The following SPAG16 variants were observed in gnomAD, a reference collection of about 807,000 sequenced individuals.
SPAG16 encodes sperm-associated antigen 16 protein.
A neutral mutation model predicts 80.4 loss-of-function variants in SPAG16; 86 were observed. That is an observed-to-expected ratio of 1.07 (90% CI 0.90 to 1.28). SPAG16 has a LOEUF of 1.28. Among genes scored for constraint, SPAG16 ranks in the 50% most tolerant of loss-of-function variants. The pLI is 0.00. For synonymous variants in SPAG16, 294 were observed against 265.9 expected, an observed-to-expected ratio of 1.11 and a Z score of -1.03; for missense variants, 870 against 765.3, an observed-to-expected ratio of 1.14 and a Z score of -1.61.
intron 10 of SPAG16, among the ~76,000 whole-genome samples, chr2:213,781,908 A>C (rs1463232831): frequency 6.6e-6 from 1 of 152,216 alleles, no homozygotes; most frequent in Non-Finnish European, 1.5e-5. Flanking sequence ...TTTGGAAAAT[A>C]ATTTCATAGT....
intron 11 of SPAG16, among the ~76,000 whole-genome samples, chr2:213,881,452 A>G (rs2076341588): frequency 6.6e-6 from 1 of 152,170 alleles, no homozygotes; most frequent in African/African-American, 2.4e-5. Context: ...TTTGGATGCT[A>G]TATGTGTCTG....
Position 213,664,431 on chromosome 2 carries a change from G to A in SPAG16, c.1070+174341G>A, listed in dbSNP as rs144018782. Among the ~76,000 whole-genome samples, 250 of 152,126 alleles carry A rather than the reference G, an allele frequency of 1.6e-3. 2 individuals carry two copies. The highest frequency in any genetic ancestry group is 5.3e-3 in the African/African-American group (218 of 41,522). ...GACACTGTTGAAAATTAAAGAGGGC[G>A]TTATTAATAATTATTTCAGGATAAC... On this transcript the variant is annotated intron_variant, in intron 10 of 15. Transcript: ENST00000331683.
chr2:214,194,703 G>A (rs956620726), intron 15 of SPAG16, among the ~76,000 whole-genome samples: 11 of 151,980 alleles, frequency 7.2e-5, no homozygotes, highest in African/African-American at 2.2e-4. Context: ...ATGGCAAAAA[G>A]GGATGTCAGA....
At chr2:214,332,988 G>A (rs938860277) in intron 15 of SPAG16, among the ~76,000 whole-genome samples, 3 of 152,112 alleles carry the variant, frequency 2.0e-5, no homozygotes, top group African/African-American at 7.2e-5. Flanking sequence ...CTTTAGTCTC[G>A]AGATATCAAT....
intron 15 of SPAG16, among the ~76,000 whole-genome samples, chr2:214,376,253 G>A (rs999647377): frequency 1.6e-4 from 24 of 152,104 alleles, no homozygotes; most frequent in East Asian, 5.8e-4. Context: ...TACCTGTCTC[G>A]TCTCAAATTA....
chr2:213,925,601 C>T, intron 11 of SPAG16, among the ~76,000 whole-genome samples: 1 of 152,214 alleles, frequency 6.6e-6, no homozygotes, highest in Non-Finnish European at 1.5e-5. Flanking sequence ...ATCTGTCTGC[C>T]TTGGCCTCCG....
At chr2:213,327,688 A>G (rs774812931) in intron 5 of SPAG16, among the ~76,000 whole-genome samples, 31 of 152,152 alleles carry the variant, frequency 2.0e-4, no homozygotes, top group Admixed American at 1.0e-3. Context: ...AGACGTTCAC[A>G]AAATTTTAAA....
chr2:214,305,382 C>A (rs1576732500), intron 15 of SPAG16, among the ~76,000 whole-genome samples: 1 of 152,252 alleles, frequency 6.6e-6, no homozygotes, highest in Non-Finnish European at 1.5e-5. Context: ...TTAATTAGAT[C>A]CCATTTGTCA....
chr2:214,226,637 C>T (rs2058703610), intron 15 of SPAG16, among the ~76,000 whole-genome samples: 1 of 151,984 alleles, frequency 6.6e-6, no homozygotes, highest in Non-Finnish European at 1.5e-5. Context: ...GATTCAAAGG[C>T]TGTTTAAAAC....
At chr2:213,852,843 A>T (rs1309033956) in intron 10 of SPAG16, among the ~76,000 whole-genome samples, 2 of 152,192 alleles carry the variant, frequency 1.3e-5, no homozygotes, top group Non-Finnish European at 2.9e-5. Flanking sequence ...ATGCTACATC[A>T]TAGGCTATAA....
At chr2:213,952,080 A>G (rs2106326240) in intron 12 of SPAG16, among the ~76,000 whole-genome samples, 1 of 152,260 alleles carries the variant, frequency 6.6e-6, no homozygotes, top group African/African-American at 2.4e-5. Flanking sequence ...CTAAAGGATT[A>G]CCAGTTGGAG....
chr2:214,085,025 T>C (rs991196088), intron 13 of SPAG16, among the ~76,000 whole-genome samples: 7 of 152,152 alleles, frequency 4.6e-5, no homozygotes, highest in Non-Finnish European at 1.0e-4. Context: ...TTGGAAGAAA[T>C]GCTTCACAGA....
At chr2:213,876,117 A>G (rs1429407170) in intron 11 of SPAG16, among the ~76,000 whole-genome samples, 1 of 152,164 alleles carries the variant, frequency 6.6e-6, no homozygotes, top group Non-Finnish European at 1.5e-5. Context: ...CAGATTTGAC[A>G]TTGCGTGAAA....
chr2:214,164,225 G>A (rs2056563506), intron 15 of SPAG16, among the ~76,000 whole-genome samples: 1 of 152,128 alleles, frequency 6.6e-6, no homozygotes, highest in African/African-American at 2.4e-5. Flanking sequence ...GTGAATGGGA[G>A]GTGGATGATA....
At chr2:213,349,717 T>C (rs529907521) in intron 6 of SPAG16, among the ~76,000 whole-genome samples, 1 of 152,186 alleles carries the variant, frequency 6.6e-6, no homozygotes, top group Non-Finnish European at 1.5e-5. Context: ...CTACTCACAG[T>C]AAAAAGGAGT....
At chr2:214,174,056 G>A (rs561988033) in intron 15 of SPAG16, among the ~76,000 whole-genome samples, 8 of 152,058 alleles carry the variant, frequency 5.3e-5, no homozygotes, top group Non-Finnish European at 8.8e-5. Context: ...CAATAAATAC[G>A]GTATTGATGG....
At chr2:213,368,304 G>GT (rs1166358190) in intron 8 of SPAG16, among the ~76,000 whole-genome samples, 2 of 152,170 alleles carry the variant, frequency 1.3e-5, no homozygotes, top group African/African-American at 4.8e-5. Context: ...CTTTAAAGTA[G>GT]TTTTTTCCAG....
chr2:213,489,370 G>A (rs575299442), intron 9 of SPAG16, among the ~76,000 whole-genome samples: 2 of 152,194 alleles, frequency 1.3e-5, no homozygotes, highest in Admixed American at 1.3e-4. Context: ...GGTTTGCTTG[G>A]TGGAGCGGGC....
At chr2:213,309,347 AGACT>A (rs2063086879) in intron 3 of SPAG16, among the ~76,000 whole-genome samples, 1 of 152,130 alleles carries the variant, frequency 6.6e-6, no homozygotes, top group Non-Finnish European at 1.5e-5. Context: ...TCTAGTTGAT[AGACT>A]GACTGACTTC....
Sources: gnomAD v4.1 joint callset for allele counts (sites outside exome capture counted in the v4.1 genomes callset) on GRCh38, gnomAD v4.1.1 for gene constraint, MANE v1.5 for transcripts, NCBI Gene and HGNC (gene_info 2026-07-23, HGNC 2026-07-21) for gene names.